The following DNAH14 variants were observed in gnomAD, a reference collection of about 807,000 sequenced individuals.
The protein encoded by DNAH14 is axonemal beta dynein heavy chain 14.
DNAH14 carries 478 observed loss-of-function variants against 520.9 expected under a neutral mutation model. The ratio of observed to expected loss-of-function variants is 0.92; its 90% CI spans 0.85 to 0.99. The LOEUF (loss-of-function observed/expected upper bound fraction) is 0.99, where lower values mean the gene tolerates loss of function less well. Among genes scored for constraint, DNAH14 ranks in the 50% least tolerant of loss-of-function variants. DNAH14 has a pLI of 0.00. For synonymous variants in DNAH14, 1,581 were observed against 1,757.2 expected (o/e 0.90, Z 2.51); for missense variants, 4,831 against 5,234.5 (o/e 0.92, Z 2.38).
Position 225,393,821 on chromosome 1 carries a change from T to TG in DNAH14, c.13491+1370_13491+1371insG, listed in dbSNP as rs199932935. 6.0e-5 allele frequency among the ~76,000 whole-genome samples: 9 copies of TG among 149,666 alleles called. No individual in the cohort carries two copies. In the South Asian group the frequency reaches 6.4e-4, roughly 11 times the overall value. ...AGTGATATATCTTTTTTTGTTTTTTTTTTGTTTTTTTTTTTGAGACGGAGT... is the reference window on the plus strand; with the variant it reads ...AGTGATATATCTTTTTTTGTTTTTTTGTTTGTTTTTTTTTTTGAGACGGAGT... On this transcript the variant is annotated intron_variant, in intron 84 of 85. Transcript: ENST00000682510.
chr1:225,064,583 T>TA (rs57433167), intron 17 of DNAH14, among the ~76,000 whole-genome samples: 128,488 of 151,258 alleles, frequency 0.85, 58,115 homozygotes, highest in Non-Finnish European at 1. Context: ...TATGCAGCAT[T>TA]AAAAAAAAGA....
intron 27 of DNAH14, among the ~76,000 whole-genome samples, chr1:225,129,203 G>T (rs2078102364): frequency 6.6e-6 from 1 of 151,022 alleles, no homozygotes; most frequent in Non-Finnish European, 1.5e-5. Context: ...CCATGCTCAT[G>T]GATAGGAAGA....
intron 35 of DNAH14, among the ~76,000 whole-genome samples, chr1:225,166,174 A>G (rs2082027036): frequency 6.6e-6 from 1 of 152,062 alleles, no homozygotes; most frequent in Non-Finnish European, 1.5e-5. Flanking sequence ...CTCTTGTGCT[A>G]GTTTTAACAT....
At position 225,085,656 on chromosome 1, in the gene DNAH14, C is replaced by G; in HGVS notation, c.3440C>G (p.Pro1147Arg). ...GATTTTTGGAACACTACTCCTTTGC[C>G]TTTAATTCTTCACCACACAGAGATT... ...IIDFWNTTPLPLILHHTEIYS... is the reference protein window; with the variant it reads ...IIDFWNTTPLRLILHHTEIYS... Residue 1147 changes from proline (P) to arginine (R), a missense_variant, in exon 21 of 86, where the codon CCT becomes CGT. Physicochemically the swap from Pro to Arg is moderately radical, Grantham distance 103. Coordinates refer to ENST00000682510, the MANE Select transcript of DNAH14 (RefSeq NM_001367479.1). 6.4e-7 allele frequency: 1 copy of G among 1,551,252 alleles called. No homozygotes were observed. Among genetic ancestry groups the G allele is most frequent in the Non-Finnish European group, 8.7e-7 (1 of 1,146,776 alleles).
chr1:224,942,332 G>T (rs547503381), intron 1 of DNAH14, among the ~76,000 whole-genome samples: 426 of 152,178 alleles, frequency 2.8e-3, no homozygotes, highest in Middle Eastern at 0.027. Flanking sequence ...TAAGAATGCT[G>T]GTGATTTTTG....
At chr1:224,945,800 C>T (rs1558477306) in intron 1 of DNAH14, among the ~76,000 whole-genome samples, 1 of 152,306 alleles carries the variant, frequency 6.6e-6, no homozygotes, top group Non-Finnish European at 1.5e-5. Flanking sequence ...GGCCACAGAA[C>T]AGCGGATATT....
chr1:225,113,056 T>A (rs2076599845), intron 23 of DNAH14, among the ~76,000 whole-genome samples: 1 of 152,098 alleles, frequency 6.6e-6, no homozygotes, highest in Non-Finnish European at 1.5e-5. Flanking sequence ...GGTGTTGGCA[T>A]TGAAGAGTTA....
chr1:225,308,358 A>G lies in DNAH14; in HGVS notation c.9188A>G (p.Gln3063Arg). 6.5e-7 allele frequency: 1 copy of G among 1,543,580 alleles called. No homozygotes were observed. The highest frequency in any genetic ancestry group is 2.5e-5 in the East Asian group (1 of 40,510). Reference protein sequence around the residue: ...VVEKVQMLVKQDEEIVAEEVR... With the variant: ...VVEKVQMLVKRDEEIVAEEVR... ...GAGAAAGTTCAGATGCTTGTTAAAC[A>G]GGATGAAGAAATTGTGGCAGAAGAA... Residue 3063 changes from glutamine to arginine, a missense_variant, in exon 60 of 86, where the codon CAG becomes CGG. Physicochemically the swap from Gln to Arg is conservative, Grantham distance 43. Coordinates refer to ENST00000682510, the MANE Select transcript of DNAH14 (RefSeq NM_001367479.1).
At chr1:225,202,090 G>T (rs1434517943) in intron 38 of DNAH14, among the ~76,000 whole-genome samples, 4 of 152,102 alleles carry the variant, frequency 2.6e-5, no homozygotes, top group African/African-American at 9.7e-5. Flanking sequence ...TGGCCAGGCT[G>T]ATCTCAAACT....
At chr1:224,998,591 G>A (rs928682836) in intron 8 of DNAH14, among the ~76,000 whole-genome samples, 1 of 152,008 alleles carries the variant, frequency 6.6e-6, no homozygotes, top group African/African-American at 2.4e-5. Context: ...CTAATTTCTA[G>A]TTTGATTTCA....
At chr1:225,396,495 C>T (rs2096012596) in intron 84 of DNAH14, 1 of 152,170 alleles carries the variant, frequency 6.6e-6, no homozygotes, top group Non-Finnish European at 1.5e-5. Flanking sequence ...CCAAGTCTAG[C>T]TGACTCTACA....
chr1:225,083,283 A>G (rs548751675), intron 20 of DNAH14, among the ~76,000 whole-genome samples: 2 of 148,800 alleles, frequency 1.3e-5, no homozygotes, highest in South Asian at 2.2e-4. Flanking sequence ...TTTATGTCTA[A>G]TGTTTCATGG....
chr1:225,376,969 C>T (rs1214522048), intron 78 of DNAH14, among the ~76,000 whole-genome samples: 1 of 95,728 alleles, frequency 1.0e-5, no homozygotes. Context: ...ACCTTTAAAG[C>T]GTTTTTTTTT....
intron 30 of DNAH14, 137 bp downstream of exon 30, chr1:225,145,516 C>A: frequency 1.5e-6 from 1 of 651,296 alleles, no homozygotes; most frequent in Non-Finnish European, 2.4e-6. Context: ...AATGCTGTTA[C>A]TTCTTTTAAA....
chr1:225,076,687 C>T (rs1047157772), intron 17 of DNAH14, among the ~76,000 whole-genome samples: 1 of 152,158 alleles, frequency 6.6e-6, no homozygotes, highest in African/African-American at 2.4e-5. Flanking sequence ...AGAATCTGTT[C>T]TGAAAGTTCT....
chr1:225,167,073 A>G (rs1381346784), intron 35 of DNAH14, among the ~76,000 whole-genome samples: 1 of 152,222 alleles, frequency 6.6e-6, no homozygotes, highest in Non-Finnish European at 1.5e-5. Context: ...TCATAAGTTC[A>G]GGCCTGAAGT....
At chr1:225,163,423 CTTG>C (rs1027949283) in intron 35 of DNAH14, among the ~76,000 whole-genome samples, 10 of 152,130 alleles carry the variant, frequency 6.6e-5, no homozygotes, top group African/African-American at 1.9e-4. Context: ...AATGGGCACA[CTTG>C]TTGTGTGCCA....
chr1:225,228,134 T>C (rs1222963879), intron 41 of DNAH14, among the ~76,000 whole-genome samples: 1 of 152,198 alleles, frequency 6.6e-6, no homozygotes, highest in East Asian at 1.9e-4. Flanking sequence ...ATGGGCACAC[T>C]TATAGCCTTT....
intron 42 of DNAH14, among the ~76,000 whole-genome samples, chr1:225,236,685 A>T (rs1558116951): frequency 6.6e-6 from 1 of 152,104 alleles, no homozygotes; most frequent in East Asian, 1.9e-4. Context: ...CTTCTTGTCA[A>T]ATTGAACCCT....
Sources: gnomAD v4.1 joint callset for allele counts (sites outside exome capture counted in the v4.1 genomes callset) on GRCh38, gnomAD v4.1.1 for gene constraint, MANE v1.5 for transcripts, NCBI Gene and HGNC (gene_info 2026-07-23, HGNC 2026-07-21) for gene names.